GOPC: variants seen among roughly 807,000 people sequenced by gnomAD.
GOPC encodes Golgi-associated PDZ and coiled-coil motif-containing protein.
In GOPC, 32 loss-of-function variants were observed where a neutral mutation model predicts 51.2. The ratio of observed to expected loss-of-function variants is 0.63; its 90% CI spans 0.47 to 0.84. The LOEUF (loss-of-function observed/expected upper bound fraction) is 0.84, where lower values mean the gene tolerates loss of function less well. Among genes scored for constraint, GOPC ranks in the 40% least tolerant of loss-of-function variants. The pLI is 0.00. For synonymous variants in GOPC, 190 were observed against 205.1 expected (o/e 0.93, Z 0.63); for missense variants, 441 against 555.5 (o/e 0.79, Z 2.07).
intron 1 of GOPC, among the ~76,000 whole-genome samples, chr6:117,590,608 A>G (rs890524851): frequency 1.3e-5 from 2 of 151,332 alleles, no homozygotes; most frequent in African/African-American, 4.9e-5. Context: ...AAAAGATTAC[A>G]TTTCCAATTG....
chr6:117,563,023 A>G lies in GOPC; in HGVS notation c.*231T>C, dbSNP rs1162657085. The G allele has an allele frequency of 2.0e-6, 1 of 489,368 alleles. No homozygotes were observed. Among genetic ancestry groups the G allele is most frequent in the African/African-American group, 2.0e-5 (1 of 50,994 alleles). 30.3% of individuals were successfully genotyped at this position (489,368 alleles called of 1,614,324 possible). A position where few individuals can be genotyped will look rare whatever the true frequency, so the allele number is the denominator to read the frequency against. ...TTGGGAAACACATGCTTTGGTGCTT[A>G]CAAGTTCAAGAAAATCAAAATTGCT... On this transcript the variant is annotated 3_prime_UTR_variant, in exon 9 of 9. Transcript: ENST00000368498.
In GOPC at chr6:117,560,645, A is replaced by G. The variant is rs1395993878; in HGVS notation, c.*2609T>C. On this transcript the variant is annotated 3_prime_UTR_variant, in exon 9 of 9. Transcript: ENST00000368498. ...GACTCACAAAATTTTCGTCTTTCTC[A>G]AATTTATTTTAACAATAGTCTCACC... is the stretch of plus-strand genomic sequence containing the variant. 1 of 195,820 alleles carries G rather than the reference A, an allele frequency of 5.1e-6. No individual in the cohort carries two copies. Among genetic ancestry groups the G allele is most frequent in the Non-Finnish European group, 1.1e-5 (1 of 94,034 alleles). The allele number at this position is 195,820 out of a possible 1,614,324, so 12.1% of individuals were successfully genotyped here. A position where few individuals can be genotyped will look rare whatever the true frequency, so the allele number is the denominator to read the frequency against.
intron 7 of GOPC, among the ~76,000 whole-genome samples, chr6:117,567,680 T>C (rs573589948): frequency 6.6e-6 from 1 of 152,158 alleles, no homozygotes; most frequent in Admixed American, 6.5e-5. Context: ...CTATAAATTA[T>C]AGCCTTCAAT....
At chr6:117,596,820 T>C (rs1355598997) in intron 1 of GOPC, among the ~76,000 whole-genome samples, 1 of 152,238 alleles carries the variant, frequency 6.6e-6, no homozygotes, top group Non-Finnish European at 1.5e-5. Flanking sequence ...TCAGGTAACC[T>C]AATGCCTCCA....
chr6:117,567,037 A>T lies in GOPC; in HGVS notation c.1078-3T>A, dbSNP rs748309306. ...ACTTCAAATTCAATCTCTCCTCTCT[A>T]AAACAGGAAATGAAAATGAGAAAGT... On this transcript the variant is annotated splice_polypyrimidine_tract_variant and splice_region_variant and intron_variant, in intron 7 of 8. Coordinates refer to ENST00000368498, the MANE Select transcript of GOPC (RefSeq NM_020399.4). 15 of 1,553,874 alleles carry T rather than the reference A, an allele frequency of 9.7e-6. No individual in the cohort carries two copies. Among genetic ancestry groups the T allele is most frequent in the Non-Finnish European group, 1.1e-5 (13 of 1,156,816 alleles).
At chr6:117,600,281 C>T (rs1212417056) in intron 1 of GOPC, among the ~76,000 whole-genome samples, 1 of 152,188 alleles carries the variant, frequency 6.6e-6, no homozygotes, top group Non-Finnish European at 1.5e-5. Context: ...CAGTTCTACA[C>T]TCCTATGATA....
chr6:117,561,887 T>C lies in GOPC; in HGVS notation c.*1367A>G, dbSNP rs1779590548. On this transcript the variant is annotated 3_prime_UTR_variant, in exon 9 of 9. Transcript: ENST00000368498. ...ATAGATTTACCCTTGAACAAATATA[T>C]AGTGTATCTGGGAAAGCCAAAAAAA... 4.9e-6 allele frequency: 1 copy of C among 206,036 alleles called. No homozygotes were observed. Among genetic ancestry groups the C allele is most frequent in the African/African-American group, 2.3e-5 (1 of 43,854 alleles). The allele number at this position is 206,036 out of a possible 1,614,324, so 12.8% of individuals were successfully genotyped here. A position where few individuals can be genotyped will look rare whatever the true frequency, so the allele number is the denominator to read the frequency against.
intron 1 of GOPC, among the ~76,000 whole-genome samples, chr6:117,586,594 C>T (rs1256906673): frequency 6.6e-6 from 1 of 150,562 alleles, no homozygotes; most frequent in Non-Finnish European, 1.5e-5. Flanking sequence ...CATTCTCTTG[C>T]CTCAGCCTCC....
At chr6:117,564,339 C>G (rs180762492) in intron 8 of GOPC, among the ~76,000 whole-genome samples, 1 of 152,252 alleles carries the variant, frequency 6.6e-6, no homozygotes, top group East Asian at 1.9e-4. Flanking sequence ...ATATAAATAT[C>G]TACTGAACTG....
At chr6:117,598,741 C>T (rs1040642076) in intron 1 of GOPC, among the ~76,000 whole-genome samples, 12 of 152,172 alleles carry the variant, frequency 7.9e-5, no homozygotes, top group African/African-American at 2.9e-4. Context: ...TCCTGCTGTT[C>T]AGCCAGTTCC....
intron 1 of GOPC, among the ~76,000 whole-genome samples, chr6:117,597,709 G>A (rs1003252696): frequency 6.6e-6 from 1 of 152,054 alleles, no homozygotes; most frequent in African/African-American, 2.4e-5. Context: ...GATATCATTT[G>A]TATTTAATTT....
At chr6:117,569,945 A>C (rs1217567454) in intron 6 of GOPC, 1 of 476,644 alleles carries the variant, frequency 2.1e-6, no homozygotes, top group Non-Finnish European at 3.4e-6. Context: ...TTAAATTAAA[A>C]AAAACTTATG....
Position 117,602,318 on chromosome 6 carries a change from G to T in GOPC, c.-30C>A. The T allele has an allele frequency of 1.3e-6, 2 of 1,541,800 alleles. No homozygotes were observed. The highest frequency in any genetic ancestry group is 1.2e-5 in the South Asian group (1 of 85,088). ...CCGTCAAGGGCCTCTCCCGACTGCT[G>T]AAGACCCTCGCCGCCCCCCGCGCAC... is the stretch of plus-strand genomic sequence containing the variant. On this transcript the variant is annotated 5_prime_UTR_variant, in exon 1 of 9. Transcript: ENST00000368498.
chr6:117,563,269 A>G lies in GOPC; in HGVS notation c.1374T>C (p.His458=), dbSNP rs750852261. 3.1e-6 allele frequency: 5 copies of G among 1,613,108 alleles called. No individual in the cohort carries two copies. In the East Asian group the frequency reaches 1.1e-4, roughly 36 times the overall value. The change falls in exon 9 of 9, where the codon CAT becomes CAC. Residue 458 remains histidine (H), a synonymous_variant. Coordinates refer to ENST00000368498, the MANE Select transcript of GOPC (RefSeq NM_020399.4). ...SKLDDLHTLY[H]KKSY is the part of the protein sequence containing the mutation. ...TATGGTCAATTTAATAAGATTTTTT[A>G]TGATACAGAGTGTGCAGATCATCTA...
chr6:117,578,608 T>A (rs573417915), intron 2 of GOPC, among the ~76,000 whole-genome samples: 2 of 152,026 alleles, frequency 1.3e-5, no homozygotes, highest in Non-Finnish European at 2.9e-5. Flanking sequence ...ATCCAACTGA[T>A]ACAGTAGGGC....
chr6:117,601,921 G>T, intron 1 of GOPC, 83 bp downstream of exon 1: 2 of 1,463,190 alleles, frequency 1.4e-6, no homozygotes, highest in South Asian at 2.6e-5. Flanking sequence ...TTCTAGGGTC[G>T]TTTCACTGGA....
chr6:117,572,472 A>G (rs963634692), intron 5 of GOPC, among the ~76,000 whole-genome samples: 7 of 152,212 alleles, frequency 4.6e-5, no homozygotes, highest in Non-Finnish European at 8.8e-5. Flanking sequence ...TAAAAAATGT[A>G]AATTTTATGA....
intron 1 of GOPC, among the ~76,000 whole-genome samples, chr6:117,598,125 G>A (rs1455376551): frequency 6.6e-6 from 1 of 151,176 alleles, no homozygotes; most frequent in Non-Finnish European, 1.5e-5. Flanking sequence ...TCGAGAGGTT[G>A]AGGCAGGAGG....
At chr6:117,585,247 C>A (rs1400816714) in intron 1 of GOPC, among the ~76,000 whole-genome samples, 1 of 152,124 alleles carries the variant, frequency 6.6e-6, no homozygotes, top group African/African-American at 2.4e-5. Flanking sequence ...GTATTATTTT[C>A]TAAGAATACA....
Sources: allele counts gnomAD v4.1 joint callset (sites outside exome capture counted in the v4.1 genomes callset), GRCh38; gene constraint gnomAD v4.1.1; transcripts MANE v1.5; gene names NCBI Gene and HGNC (gene_info 2026-07-23, HGNC 2026-07-21).